The following PIK3R1 variants were observed in gnomAD, a reference collection of about 807,000 sequenced individuals.
The protein encoded by PIK3R1 is phosphoinositide-3-kinase regulatory subunit 1.
In PIK3R1, 29 loss-of-function variants were observed where a neutral mutation model predicts 98.0. The ratio of observed to expected loss-of-function variants is 0.30; its 90% CI spans 0.22 to 0.40. The LOEUF is 0.40. Ranked by LOEUF, PIK3R1 falls within the 10% of genes least tolerant of loss-of-function variation. The pLI is 1.00. For missense variants in PIK3R1, 596 were observed against 872.7 expected, an observed-to-expected ratio of 0.68 and a Z score of 3.99; for synonymous variants, 282 against 311.8, an observed-to-expected ratio of 0.90 and a Z score of 1.01.
At chr5:68,272,888 T>C (rs1746418668) in intron 2 of PIK3R1, among the ~76,000 whole-genome samples, 1 of 152,216 alleles carries the variant, frequency 6.6e-6, no homozygotes, top group Admixed American at 6.5e-5. Flanking sequence ...ATTTTTGTTA[T>C]AAATCATGTC....
chr5:68,237,969 C>G (rs895813321), intron 2 of PIK3R1, among the ~76,000 whole-genome samples: 2 of 152,180 alleles, frequency 1.3e-5, no homozygotes, highest in Admixed American at 1.3e-4. Flanking sequence ...TAGGAGGTCA[C>G]AACTTAGAAA....
chr5:68,244,545 A>G (rs1197463798), intron 2 of PIK3R1, among the ~76,000 whole-genome samples: 2 of 55,296 alleles, frequency 3.6e-5, no homozygotes, highest in Admixed American at 5.2e-4. Context: ...CGCTTCAGAG[A>G]GCTTTTCTCT....
At position 68,299,226 on chromosome 5, in the gene PIK3R1, GAAAA is replaced by G. The variant is rs373752070; in HGVS notation, c.*1632_*1635del. ...CATGACCAGCAAATACTCATTTTAGGAAAAAAAAAAGCATGATCTGAAAAATACT... is the reference window on the plus strand; with the variant it reads ...CATGACCAGCAAATACTCATTTTAGGAAAAAAGCATGATCTGAAAAATACT... On this transcript the variant is annotated 3_prime_UTR_variant, in exon 16 of 16. Transcript: ENST00000521381. 1 of 215,186 alleles carries G rather than the reference GAAAA, an allele frequency of 4.6e-6. No homozygotes were observed. Among genetic ancestry groups the G allele is most frequent in the South Asian group, 1.9e-4 (1 of 5,216 alleles). 13.3% of individuals were successfully genotyped at this position (215,186 alleles called of 1,614,324 possible).
chr5:68,253,251 A>G (rs1375098565), intron 2 of PIK3R1, among the ~76,000 whole-genome samples: 11 of 152,276 alleles, frequency 7.2e-5, no homozygotes, highest in African/African-American at 2.6e-4. Context: ...GCTGTGGTTT[A>G]CCAATTTCCT....
chr5:68,262,609 GTA>G lies in PIK3R1; in HGVS notation c.335-10778_335-10777del, dbSNP rs1474033746. On this transcript the variant is annotated intron_variant, in intron 2 of 15. Coordinates refer to ENST00000521381, the MANE Select transcript of PIK3R1 (RefSeq NM_181523.3). ...CACATGTATCTGCATGTATACACAT[GTA>G]TACACATGTAGATGCATGTATACAC... 7.5e-4 allele frequency among the ~76,000 whole-genome samples: 109 copies of G among 144,788 alleles called. 1 individual carries two copies. Among genetic ancestry groups the G allele is most frequent in the Non-Finnish European group, 1.2e-3 (82 of 65,976 alleles). 95.0% of individuals were successfully genotyped at this position (144,788 alleles called of 152,430 possible).
At chr5:68,268,856 A>T (rs1267894953) in intron 2 of PIK3R1, among the ~76,000 whole-genome samples, 1 of 152,222 alleles carries the variant, frequency 6.6e-6, no homozygotes, top group Non-Finnish European at 1.5e-5. Context: ...AATGCAAAGA[A>T]TGCCACTGTC....
In PIK3R1 at chr5:68,300,673, A is replaced by G. The variant is rs1275471729; in HGVS notation, c.*3072A>G. On this transcript the variant is annotated 3_prime_UTR_variant, in exon 16 of 16. Coordinates refer to ENST00000521381, the MANE Select transcript of PIK3R1 (RefSeq NM_181523.3). ...TGTGTTTCCAGTACACCTTTCAGCCAAAACAGATCCACAGTAGTTGTTGAG... is the reference window on the plus strand; with the variant it reads ...TGTGTTTCCAGTACACCTTTCAGCCGAAACAGATCCACAGTAGTTGTTGAG... 4.3e-6 allele frequency: 1 copy of G among 233,198 alleles called. No homozygotes were observed. The highest frequency in any genetic ancestry group is 8.5e-6 in the Non-Finnish European group (1 of 118,062). The allele number at this position is 233,198 out of a possible 1,614,324, so 14.4% of individuals were successfully genotyped here. A position where few individuals can be genotyped will look rare whatever the true frequency, so the allele number is the denominator to read the frequency against.
In PIK3R1 at chr5:68,273,414, A is replaced by G; in HGVS notation, c.359A>G (p.Glu120Gly). The G allele has an allele frequency of 6.2e-7, 1 of 1,614,094 alleles. No homozygotes were observed. Among genetic ancestry groups the G allele is most frequent in the Non-Finnish European group, 8.5e-7 (1 of 1,179,982 alleles). ...GCTTTGACTCTCCCGGATCTTGCAG[A>G]GCAGTTTGCCCCTCCTGACATTGCC... ...QQALTLPDLA[E>G]QFAPPDIAPP... is the part of the protein sequence containing the mutation. The change falls in exon 3 of 16, where the codon GAG (glutamate) becomes GGG (glycine). Residue 120 changes from glutamate to glycine, a missense_variant. Transcript: ENST00000521381.
rs145136413 is a variant in PIK3R1, at chr5:68,257,766, G to A, written c.335-15624G>A. 6.4e-3 allele frequency among the ~76,000 whole-genome samples: 980 copies of A among 152,222 alleles called. 6 individuals are homozygous for A. The highest frequency in any genetic ancestry group is 0.022 in the African/African-American group (930 of 41,528). On this transcript the variant is annotated intron_variant, in intron 2 of 15. Transcript: ENST00000521381. ...CAGACATCCACTGTAGATAGCCTCTGTTCCCCAGGAACTAACATTTCCAAA... is the reference window on the plus strand; with the variant it reads ...CAGACATCCACTGTAGATAGCCTCTATTCCCCAGGAACTAACATTTCCAAA...
At chr5:68,241,496 T>C (rs1744871698) in intron 2 of PIK3R1, among the ~76,000 whole-genome samples, 1 of 152,086 alleles carries the variant, frequency 6.6e-6, no homozygotes, top group Non-Finnish European at 1.5e-5. Flanking sequence ...AGATGAAAAA[T>C]TTGAAATTTC....
chr5:68,270,584 G>A (rs1176397180), intron 2 of PIK3R1, among the ~76,000 whole-genome samples: 1 of 152,020 alleles, frequency 6.6e-6, no homozygotes, highest in Non-Finnish European at 1.5e-5. Context: ...AGAGGAATTG[G>A]CATGTTGGTT....
intron 2 of PIK3R1, among the ~76,000 whole-genome samples, chr5:68,241,181 T>G (rs566511776): frequency 2.0e-5 from 3 of 152,252 alleles, no homozygotes; most frequent in African/African-American, 7.2e-5. Context: ...TACTGATGAC[T>G]ACTAGTTAAT....
At chr5:68,227,956 G>C (rs956991591) in intron 2 of PIK3R1, among the ~76,000 whole-genome samples, 2 of 152,130 alleles carry the variant, frequency 1.3e-5, no homozygotes, top group African/African-American at 4.8e-5. Flanking sequence ...TCTTCTGTTC[G>C]GTTTCACACA....
chr5:68,227,065 A>G (rs1441439207), intron 2 of PIK3R1, 56 bp downstream of exon 2: 1 of 1,487,650 alleles, frequency 6.7e-7, no homozygotes, highest in Admixed American at 2.2e-5. Flanking sequence ...TTTTAAGGAA[A>G]AGTCTTAAGT....
rs1747853807 is a variant in PIK3R1, at chr5:68,298,519, T to C, written c.*918T>C. On this transcript the variant is annotated 3_prime_UTR_variant, in exon 16 of 16. Transcript: ENST00000521381. ...AAAATATTGTTGTCCCGGATTTTTG[T>C]TAATATTCATTTTTGTTATCCTTTT... is the stretch of plus-strand genomic sequence containing the variant. The C allele has an allele frequency of 4.3e-6, 1 of 233,264 alleles. No individual in the cohort carries two copies. The highest frequency in any genetic ancestry group is 5.6e-5 in the Admixed American group (1 of 17,774). 14.4% of individuals were successfully genotyped at this position (233,264 alleles called of 1,614,324 possible). A position where few individuals can be genotyped will look rare whatever the true frequency, so the allele number is the denominator to read the frequency against.
At chr5:68,233,279 A>G (rs144261742) in intron 2 of PIK3R1, among the ~76,000 whole-genome samples, 2 of 152,368 alleles carry the variant, frequency 1.3e-5, no homozygotes, top group Non-Finnish European at 2.9e-5. Context: ...CTTTGTTGCT[A>G]ACAGATTTCC....
chr5:68,220,438 A>G (rs184961780), intron 1 of PIK3R1, among the ~76,000 whole-genome samples: 1 of 152,264 alleles, frequency 6.6e-6, no homozygotes, highest in Non-Finnish European at 1.5e-5. Context: ...TCTGTCCCTC[A>G]GGTCCCAGAA....
At chr5:68,242,709 C>T (rs1011156312) in intron 2 of PIK3R1, among the ~76,000 whole-genome samples, 4 of 152,168 alleles carry the variant, frequency 2.6e-5, no homozygotes, top group Non-Finnish European at 5.9e-5. Context: ...CAAGGCCTGT[C>T]CATGAACTGA....
rs76028927 is a variant in PIK3R1, at chr5:68,252,949, T to G, written c.335-20441T>G. ...CCACCTTTCTCAGATGCTCCCAGTT[T>G]TTTTTCCCAGATGGCACCTGACACA... On this transcript the variant is annotated intron_variant, in intron 2 of 15. Coordinates refer to ENST00000521381, the MANE Select transcript of PIK3R1 (RefSeq NM_181523.3). Among the ~76,000 whole-genome samples, 613 of 152,308 alleles carry G rather than the reference T, an allele frequency of 4.0e-3. 5 individuals are homozygous for G. Among genetic ancestry groups the G allele is most frequent in the African/African-American group, 0.014 (563 of 41,564 alleles).
Sources: allele counts gnomAD v4.1 joint callset (sites outside exome capture counted in the v4.1 genomes callset), GRCh38; gene constraint gnomAD v4.1.1; transcripts MANE v1.5; gene names NCBI Gene and HGNC (gene_info 2026-07-23, HGNC 2026-07-21).